FOXP2: variants seen among roughly 807,000 people sequenced by gnomAD.
FOXP2 encodes forkhead box P2, also known as forkhead box protein P2.
FOXP2 carries 12 observed loss-of-function variants against 115.8 expected under a neutral mutation model. The observed-to-expected ratio is 0.10, with a 90% CI of 0.07 to 0.17. The LOEUF is 0.17. Ranked by LOEUF, FOXP2 falls within the 10% of genes least tolerant of loss-of-function variation. FOXP2 has a pLI of 1.00. For missense variants in FOXP2, 629 were observed against 843.5 expected, an observed-to-expected ratio of 0.75 and a Z score of 3.15; for synonymous variants, 328 against 297.7, an observed-to-expected ratio of 1.10 and a Z score of -1.05.
intron 3 of FOXP2, among the ~76,000 whole-genome samples, chr7:114,605,245 C>T (rs1803250644): frequency 6.6e-6 from 1 of 151,898 alleles, no homozygotes; most frequent in South Asian, 2.1e-4. Flanking sequence ...CTGGAGCATG[C>T]CAAAAGTAGA....
intron 1 of FOXP2, among the ~76,000 whole-genome samples, chr7:114,171,440 TCATGTGCCTGTAGTCC>T (rs1793137215): frequency 1.3e-5 from 2 of 151,992 alleles, no homozygotes; most frequent in South Asian, 2.1e-4. Flanking sequence ...GGGCATGGTG[TCATGTGCCTGTAGTCC>T]CAGCTACTTG....
chr7:114,328,565 T>C (rs1797618386), intron 2 of FOXP2, among the ~76,000 whole-genome samples: 1 of 152,254 alleles, frequency 6.6e-6, no homozygotes, highest in Non-Finnish European at 1.5e-5. Context: ...ATATTCTGAC[T>C]TAGATGGACA....
chr7:114,625,537 A>G (rs963436645), intron 3 of FOXP2, among the ~76,000 whole-genome samples: 10 of 151,858 alleles, frequency 6.6e-5, no homozygotes. Flanking sequence ...CTACATTTTT[A>G]TATGTATACA....
chr7:114,606,522 G>T (rs1447262784), intron 3 of FOXP2, among the ~76,000 whole-genome samples: 2 of 152,148 alleles, frequency 1.3e-5, no homozygotes, highest in East Asian at 3.8e-4. Flanking sequence ...GTCACAATGA[G>T]AAAATTATTT....
chr7:114,468,025 A>G (rs1283727368), intron 2 of FOXP2, among the ~76,000 whole-genome samples: 5 of 152,130 alleles, frequency 3.3e-5, no homozygotes, highest in Non-Finnish European at 1.5e-5. Flanking sequence ...TTCAGCTACA[A>G]TGTATACATA....
At chr7:114,298,036 C>G (rs766943185) in intron 2 of FOXP2, among the ~76,000 whole-genome samples, 1 of 152,118 alleles carries the variant, frequency 6.6e-6, no homozygotes, top group Non-Finnish European at 1.5e-5. Context: ...TTGCTATGGA[C>G]TCCAACCGTT....
chr7:114,176,300 C>CTTTCTTTCTTTCTT lies in FOXP2; in HGVS notation c.-102+13213_-102+13214insTTCTTTCTTTCTTT, dbSNP rs778137071. 6.5e-5 allele frequency among the ~76,000 whole-genome samples: 7 copies of CTTTCTTTCTTTCTT among 106,948 alleles called. No individual in the cohort carries two copies. The South Asian group carries it at 1.2e-3, about 19-fold the overall frequency. The allele number at this position is 106,948 out of a possible 152,430, so 70.2% of individuals were successfully genotyped here. On this transcript the variant is annotated intron_variant, in intron 1 of 17. Transcript: ENST00000634411. ...TCTTTCTTTCTTTCTTTCTTTCTTT[C>CTTTCTTTCTTTCTT]TCTCTCTCTCTCTCTCTCTCTTTCT...
chr7:114,394,025 AGAGAT>A (rs1441618749), intron 2 of FOXP2, among the ~76,000 whole-genome samples: 14 of 133,670 alleles, frequency 1.0e-4, no homozygotes, highest in African/African-American at 4.0e-4. Flanking sequence ...AGAGAGAGAG[AGAGAT>A]CCCTTTGCTC....
At chr7:114,600,817 G>T (rs1038671255) in intron 3 of FOXP2, among the ~76,000 whole-genome samples, 27 of 152,090 alleles carry the variant, frequency 1.8e-4, no homozygotes, top group African/African-American at 6.0e-4. Flanking sequence ...TGTCTCTTCA[G>T]ATCTTTTGCC....
chr7:114,137,870 T>C lies in FOXP2; in HGVS notation c.-246-25074T>C, dbSNP rs187882747. On this transcript the variant is annotated intron_variant, in intron 1 of 19. Transcript: ENST00000635638. ...TATACATACATGTATTTCCTTGTCCTGCCAACTGAGAGGGCCTAGAAGCAA... is the reference window on the plus strand; with the variant it reads ...TATACATACATGTATTTCCTTGTCCCGCCAACTGAGAGGGCCTAGAAGCAA... Among the ~76,000 whole-genome samples the C allele has an allele frequency of 7.2e-5, 11 of 152,196 alleles. 1 individual carries two copies. Among genetic ancestry groups the C allele is most frequent in the Admixed American group, 7.2e-4 (11 of 15,290 alleles).
rs545404007 is a variant in FOXP2, at chr7:114,263,422, CCCTTTCCTTT to C, written c.-101-24576_-101-24567del. On this transcript the variant is annotated intron_variant, in intron 1 of 17. Transcript: ENST00000634411. ...CCTTTTCCTTTTTCCTTTTCCCTTT[CCCTTTCCTTT>C]CCTTTCCTTTCCTTTCCTTTTTTGG... 2.6e-3 allele frequency among the ~76,000 whole-genome samples: 379 copies of C among 147,042 alleles called. 1 individual carries two copies. The highest frequency in any genetic ancestry group is 6.8e-3 in the African/African-American group (270 of 39,582).
intron 2 of FOXP2, among the ~76,000 whole-genome samples, chr7:114,444,102 A>C (rs1794726603): frequency 6.6e-6 from 1 of 152,174 alleles, no homozygotes; most frequent in Non-Finnish European, 1.5e-5. Context: ...CCAATGCTAA[A>C]ACATATGTCA....
intron 1 of FOXP2, among the ~76,000 whole-genome samples, chr7:114,258,328 C>A (rs536615444): frequency 3.9e-5 from 6 of 152,170 alleles, no homozygotes; most frequent in African/African-American, 1.4e-4. Context: ...TGGTGGATAT[C>A]CTATGATTGG....
At chr7:114,226,785 T>TA (rs1794758457) in intron 1 of FOXP2, among the ~76,000 whole-genome samples, 1 of 152,166 alleles carries the variant, frequency 6.6e-6, no homozygotes, top group Non-Finnish European at 1.5e-5. Flanking sequence ...GTTATTTTGA[T>TA]AATTTCTTGC....
intron 1 of FOXP2, among the ~76,000 whole-genome samples, chr7:114,245,034 C>T (rs1168724296): frequency 2.6e-5 from 4 of 152,180 alleles, no homozygotes; most frequent in Admixed American, 6.5e-5. Flanking sequence ...AGTGCTGGGA[C>T]CACAAGCGCG....
intron 2 of FOXP2, among the ~76,000 whole-genome samples, chr7:114,476,101 T>G (rs1267205247): frequency 6.6e-6 from 1 of 151,714 alleles, no homozygotes; most frequent in Non-Finnish European, 1.5e-5. Context: ...TTTTTTTTTT[T>G]TCTGCAGAAG....
chr7:114,265,672 C>T (rs1795877820), intron 1 of FOXP2, among the ~76,000 whole-genome samples: 1 of 152,104 alleles, frequency 6.6e-6, no homozygotes, highest in South Asian at 2.1e-4. Context: ...AGTAGAGGTT[C>T]TCGGTGGGGA....
At chr7:114,165,696 G>A (rs1028275150) in intron 1 of FOXP2, among the ~76,000 whole-genome samples, 5 of 152,110 alleles carry the variant, frequency 3.3e-5, no homozygotes, top group Admixed American at 2.0e-4. Flanking sequence ...TTCTTCCTAA[G>A]TTGATATGTA....
intron 1 of FOXP2, among the ~76,000 whole-genome samples, chr7:114,103,542 A>C (rs1791039815): frequency 6.6e-6 from 1 of 151,970 alleles, no homozygotes; most frequent in Non-Finnish European, 1.5e-5. Context: ...AGCTGGGGGA[A>C]ATGGGGGAGA....
Sources: gnomAD v4.1 joint callset for allele counts (sites outside exome capture counted in the v4.1 genomes callset) on GRCh38, gnomAD v4.1.1 for gene constraint, MANE v1.5 for transcripts, NCBI Gene and HGNC (gene_info 2026-07-23, HGNC 2026-07-21) for gene names.